Variants in PDE1C observed in about 807,000 individuals in gnomAD.
PDE1C encodes the protein dual specificity calcium/calmodulin-dependent 3',5'-cyclic nucleotide phosphodiesterase 1C.
In PDE1C, 62 loss-of-function variants were observed where a neutral mutation model predicts 93.1. The ratio of observed to expected loss-of-function variants is 0.67; its 90% CI spans 0.54 to 0.82. PDE1C has a LOEUF of 0.82. Among genes scored for constraint, PDE1C ranks in the 40% least tolerant of loss-of-function variants. PDE1C has a pLI of 0.00. For missense variants in PDE1C, 742 were observed against 884.6 expected (o/e 0.84, Z 2.04); for synonymous variants, 325 against 310.1 (o/e 1.05, Z -0.50).
intron 3 of PDE1C, among the ~76,000 whole-genome samples, chr7:32,110,043 G>A (rs1798556127): frequency 6.6e-6 from 1 of 152,080 alleles, no homozygotes. Flanking sequence ...TTTTGGAGTT[G>A]GAAAAGACCT....
At chr7:32,138,813 T>C (rs1220610235) in intron 3 of PDE1C, among the ~76,000 whole-genome samples, 1 of 152,222 alleles carries the variant, frequency 6.6e-6, no homozygotes, top group Non-Finnish European at 1.5e-5. Flanking sequence ...ATCATTTTTT[T>C]CATCAATTTA....
intron 2 of PDE1C, among the ~76,000 whole-genome samples, chr7:32,027,607 TAAAAAAA>T (rs551660766): frequency 4.6e-4 from 36 of 78,484 alleles, no homozygotes; most frequent in African/African-American, 1.8e-3. Flanking sequence ...TCAAAAATGG[TAAAAAAA>T]AAAAAAAAAA....
the PDE1C span, among the ~76,000 whole-genome samples, chr7:31,729,061 C>T: frequency 6.6e-6 from 1 of 152,164 alleles, no homozygotes; most frequent in Non-Finnish European, 1.5e-5. Context: ...TCTTTGGAGC[C>T]TTGCCTCCCC....
intron 15 of PDE1C, 22 bp downstream of exon 15, chr7:31,815,902 T>C: frequency 6.5e-7 from 1 of 1,531,800 alleles, no homozygotes; most frequent in South Asian, 1.1e-5. Flanking sequence ...AAAGAGCCCT[T>C]CACCAGTGTA....
chr7:32,182,096 C>T (rs1238348217), intron 2 of PDE1C, among the ~76,000 whole-genome samples: 5 of 152,088 alleles, frequency 3.3e-5, no homozygotes, highest in Non-Finnish European at 7.4e-5. Context: ...CAAGACTAAA[C>T]CAGGAAGAAG....
intron 3 of PDE1C, among the ~76,000 whole-genome samples, chr7:32,129,479 TAATGTA>T (rs1799801530): frequency 8.0e-6 from 1 of 125,106 alleles, no homozygotes; most frequent in Admixed American, 7.5e-5. Flanking sequence ...TTCAGCATAT[TAATGTA>T]AATGTAACAT....
At chr7:32,167,658 C>G (rs953997594) in intron 3 of PDE1C, among the ~76,000 whole-genome samples, 3 of 152,130 alleles carry the variant, frequency 2.0e-5, no homozygotes, top group Admixed American at 1.3e-4. Flanking sequence ...AAGACTGGAC[C>G]TCCTGATAAT....
intron 9 of PDE1C, among the ~76,000 whole-genome samples, chr7:31,841,088 G>A (rs531904499): frequency 4.0e-5 from 6 of 151,838 alleles, no homozygotes; most frequent in Non-Finnish European, 7.4e-5. Context: ...ATAATCTTTA[G>A]TGAACATGAG....
intron 2 of PDE1C, among the ~76,000 whole-genome samples, chr7:31,948,526 G>C (rs984415776): frequency 2.6e-5 from 4 of 152,100 alleles, no homozygotes; most frequent in African/African-American, 9.7e-5. Flanking sequence ...CTTCATGAAG[G>C]TTACGAATCA....
chr7:32,379,042 T>A (rs922654530), intron 1 of PDE1C, among the ~76,000 whole-genome samples: 2 of 152,210 alleles, frequency 1.3e-5, no homozygotes, highest in Admixed American at 6.5e-5. Flanking sequence ...AACTCTTTAA[T>A]GTGACTTACA....
chr7:32,118,230 G>T (rs1006145081), intron 3 of PDE1C, among the ~76,000 whole-genome samples: 1 of 152,204 alleles, frequency 6.6e-6, no homozygotes, highest in Admixed American at 6.5e-5. Context: ...GAACCTGACA[G>T]CATAAAGGAC....
chr7:32,237,253 A>AT (rs1213493465), intron 1 of PDE1C, among the ~76,000 whole-genome samples: 5 of 149,260 alleles, frequency 3.3e-5, no homozygotes, highest in Non-Finnish European at 6.0e-5. Context: ...CGCCCGGCTA[A>AT]TTTTTTTGTA....
At chr7:32,416,188 G>A (rs932576267) in intron 1 of PDE1C, among the ~76,000 whole-genome samples, 1 of 152,238 alleles carries the variant, frequency 6.6e-6, no homozygotes, top group African/African-American at 2.4e-5. Context: ...ACGCCAGCAG[G>A]ACACATTGAG....
At chr7:31,763,760 T>C (rs1216215155) in intron 17 of PDE1C, among the ~76,000 whole-genome samples, 4 of 152,166 alleles carry the variant, frequency 2.6e-5, no homozygotes, top group African/African-American at 9.7e-5. Flanking sequence ...CATTGCTGCC[T>C]CGTGATAGCG....
chr7:32,418,873 TG>T lies in PDE1C; in HGVS notation c.310+8948del, dbSNP rs1374989152. The stretch of plus-strand genomic sequence containing the variant: ...ATGTAAATGAGGTCCACCCGACTCC[TG>T]GAGCATTTAAGCTGCAAGCAAAACC... On this transcript the variant is annotated intron_variant, in intron 1 of 1. Transcript: ENST00000672256. Among the ~76,000 whole-genome samples the T allele has an allele frequency of 3.9e-5, 6 of 152,334 alleles. No homozygotes were observed. In the East Asian group the frequency reaches 1.2e-3, roughly 29 times the overall value.
intron 1 of PDE1C, among the ~76,000 whole-genome samples, chr7:32,293,517 G>A (rs955439997): frequency 2.6e-5 from 4 of 152,076 alleles, no homozygotes; most frequent in African/African-American, 9.7e-5. Context: ...AGTTAACAGC[G>A]CAGTTGTTTC....
chr7:32,180,105 C>A (rs1469347139), intron 2 of PDE1C, among the ~76,000 whole-genome samples: 1 of 151,990 alleles, frequency 6.6e-6, no homozygotes, highest in African/African-American at 2.4e-5. Context: ...TAAAACAAAA[C>A]AATAATGATG....
chr7:31,947,870 A>G (rs1806825413), intron 2 of PDE1C, among the ~76,000 whole-genome samples: 1 of 152,200 alleles, frequency 6.6e-6, no homozygotes, highest in African/African-American at 2.4e-5. Flanking sequence ...TCAAGTTCTG[A>G]TACTAGGCAG....
chr7:31,890,007 C>A (rs1176254215), intron 2 of PDE1C, among the ~76,000 whole-genome samples: 3 of 151,996 alleles, frequency 2.0e-5, no homozygotes, highest in Non-Finnish European at 2.9e-5. Context: ...GAGTAAGATT[C>A]CAAATTATGC....
Sources: gnomAD v4.1 joint callset for allele counts (sites outside exome capture counted in the v4.1 genomes callset) on GRCh38, gnomAD v4.1.1 for gene constraint, MANE v1.5 for transcripts, NCBI Gene and HGNC (gene_info 2026-07-23, HGNC 2026-07-21) for gene names.